CDC42BPA: variants seen among roughly 807,000 people sequenced by gnomAD.
CDC42BPA encodes serine/threonine-protein kinase MRCK alpha.
In CDC42BPA, 80 loss-of-function variants were observed where a neutral mutation model predicts 223.5. The observed-to-expected ratio is 0.36, with a 90% CI of 0.30 to 0.43. The LOEUF (loss-of-function observed/expected upper bound fraction) is 0.43, where lower values mean the gene tolerates loss of function less well. CDC42BPA is among the 20% of genes least tolerant of loss of function. The pLI, the probability that CDC42BPA is intolerant of heterozygous loss-of-function variation, is 1.00. For missense variants in CDC42BPA, 1,743 were observed against 2,099.9 expected, an observed-to-expected ratio of 0.83 and a Z score of 3.32; for synonymous variants, 694 against 718.6, an observed-to-expected ratio of 0.97 and a Z score of 0.55.
At chr1:227,099,226 A>G (rs1425920157) in intron 15 of CDC42BPA, among the ~76,000 whole-genome samples, 1 of 152,118 alleles carries the variant, frequency 6.6e-6, no homozygotes, top group Non-Finnish European at 1.5e-5. Context: ...ATCTTAGAGT[A>G]TACAGCTTCT....
chr1:227,093,840 G>T (rs1683508374), intron 15 of CDC42BPA, among the ~76,000 whole-genome samples: 1 of 152,122 alleles, frequency 6.6e-6, no homozygotes, highest in Non-Finnish European at 1.5e-5. Context: ...GAACCTTCAG[G>T]CAGCAAAAGA....
intron 35 of CDC42BPA, among the ~76,000 whole-genome samples, chr1:227,000,084 A>G (rs1050964385): frequency 2.0e-4 from 28 of 139,398 alleles, no homozygotes; most frequent in African/African-American, 6.7e-4. Context: ...TGTATCCCAG[A>G]ACTTAAAGTA....
intron 5 of CDC42BPA, among the ~76,000 whole-genome samples, chr1:227,182,421 T>G (rs1668097305): frequency 6.6e-6 from 1 of 152,136 alleles, no homozygotes; most frequent in African/African-American, 2.4e-5. Flanking sequence ...TTGGGCTTGG[T>G]TTCCAGTCTT....
intron 18 of CDC42BPA, 58 bp downstream of exon 18, chr1:227,074,201 T>A (rs937986590): frequency 3.5e-6 from 5 of 1,427,460 alleles, no homozygotes; most frequent in Admixed American, 3.8e-5. Context: ...ATTATAGTGT[T>A]TTTTAAATCT....
chr1:227,254,493 T>C (rs1330668524), intron 1 of CDC42BPA, among the ~76,000 whole-genome samples: 2 of 152,198 alleles, frequency 1.3e-5, no homozygotes, highest in Non-Finnish European at 2.9e-5. Context: ...CACAAAGATA[T>C]AAAAAATAAA....
At position 227,108,525 on chromosome 1, in the gene CDC42BPA, T is replaced by A. The variant is rs1052027267; in HGVS notation, c.2001+3787A>T. On this transcript the variant is annotated intron_variant, in intron 14 of 36. Coordinates refer to ENST00000366766, the MANE Select transcript of CDC42BPA (RefSeq NM_001394014.1). The stretch of plus-strand genomic sequence containing the variant: ...AAATGTTTTTTGGCCTAACATGTGG[T>A]CTATCCTGGAGAATCTGCCATGTGT... Among the ~76,000 whole-genome samples, 8 of 152,140 alleles carry A rather than the reference T, an allele frequency of 5.3e-5. 1 individual carries two copies. The East Asian group carries it at 9.6e-4, about 18-fold the overall frequency.
At chr1:227,180,120 C>T (rs1030182376) in intron 5 of CDC42BPA, among the ~76,000 whole-genome samples, 3 of 152,148 alleles carry the variant, frequency 2.0e-5, no homozygotes, top group African/African-American at 4.8e-5. Context: ...GCACGAGACT[C>T]GCTTGAACGC....
In CDC42BPA at chr1:226,992,013, TG is replaced by T; in HGVS notation, c.*2254del. On this transcript the variant is annotated 3_prime_UTR_variant, in exon 37 of 37. Transcript: ENST00000366766. ...GAGTGAGGAGGAGAGGAGGGGAGGG[TG>T]GGGAGAGTGAGGAGGGTGGGGAGAG... 1 of 572 alleles carries T rather than the reference TG, an allele frequency of 1.7e-3. No homozygotes were observed. The highest frequency in any genetic ancestry group is 0.038 in the South Asian group (1 of 26). The allele number at this position is 572 out of a possible 1,614,324, so 0.0% of individuals were successfully genotyped here.
intron 9 of CDC42BPA, among the ~76,000 whole-genome samples, chr1:227,141,340 T>A (rs1327684296): frequency 6.6e-6 from 1 of 152,162 alleles, no homozygotes; most frequent in East Asian, 1.9e-4. Flanking sequence ...ATATTTTGCA[T>A]TAAGATGGAG....
chr1:227,005,551 T>A (rs1663853431), intron 34 of CDC42BPA, among the ~76,000 whole-genome samples: 1 of 152,220 alleles, frequency 6.6e-6, no homozygotes, highest in African/African-American at 2.4e-5. Context: ...AAATGTTTTA[T>A]TGATGTGATA....
At chr1:227,248,507 A>G (rs1360839747) in intron 2 of CDC42BPA, among the ~76,000 whole-genome samples, 1 of 152,194 alleles carries the variant, frequency 6.6e-6, no homozygotes, top group East Asian at 1.9e-4. Flanking sequence ...AAGTAATCCC[A>G]TTTACAATAG....
At chr1:227,212,731 A>G (rs2150363081) in intron 3 of CDC42BPA, among the ~76,000 whole-genome samples, 2 of 152,372 alleles carry the variant, frequency 1.3e-5, no homozygotes, top group South Asian at 4.1e-4. Context: ...AGCATTAAAC[A>G]GAATTTCTAG....
At chr1:227,265,937 GA>G (rs1238876744) in intron 1 of CDC42BPA, among the ~76,000 whole-genome samples, 3 of 152,086 alleles carry the variant, frequency 2.0e-5, no homozygotes, top group Admixed American at 1.3e-4. Context: ...AACAGAGAAA[GA>G]AAAAAACTCA....
chr1:227,193,053 G>T (rs10916100), intron 5 of CDC42BPA, among the ~76,000 whole-genome samples: 99,129 of 145,212 alleles, frequency 0.68, 34,173 homozygotes, highest in South Asian at 0.73. Context: ...ATGCTGACTG[G>T]AAGTGAGAAC....
chr1:227,059,344 TG>T, intron 21 of CDC42BPA: 1 of 1,552,410 alleles, frequency 6.4e-7, no homozygotes, highest in South Asian at 1.2e-5. Flanking sequence ...GGCCTCAGGA[TG>T]GGTACATAAA....
At chr1:227,076,473 T>C (rs990459294) in intron 17 of CDC42BPA, among the ~76,000 whole-genome samples, 1 of 152,058 alleles carries the variant, frequency 6.6e-6, no homozygotes, top group African/African-American at 2.4e-5. Context: ...GCCAGGCTGG[T>C]CTTGAACTCC....
Position 227,317,584 on chromosome 1 carries a change from G to A in CDC42BPA, c.-402C>T. ...GCAACGTAATCCTGAAACGAATCCG[G>A]TTGCATCATTAATGAATAAAGTCCG... On this transcript the variant is annotated 5_prime_UTR_variant, in exon 1 of 37. Coordinates refer to ENST00000366766, the MANE Select transcript of CDC42BPA (RefSeq NM_001394014.1). 1 of 397,686 alleles carries A rather than the reference G, an allele frequency of 2.5e-6. No homozygotes were observed. Among genetic ancestry groups the A allele is most frequent in the East Asian group, 3.6e-5 (1 of 28,062 alleles). The allele number at this position is 397,686 out of a possible 1,614,324, so 24.6% of individuals were successfully genotyped here.
chr1:227,133,523 G>C (rs918471166), intron 10 of CDC42BPA, among the ~76,000 whole-genome samples: 3 of 152,258 alleles, frequency 2.0e-5, no homozygotes, highest in African/African-American at 4.8e-5. Context: ...GAATAGAAAG[G>C]GGGGAAGGGT....
chr1:227,185,754 G>GT (rs34717435), intron 5 of CDC42BPA, among the ~76,000 whole-genome samples: 127,855 of 150,922 alleles, frequency 0.85, 54,381 homozygotes, highest in Middle Eastern at 0.91. Context: ...TGTCCATGTC[G>GT]TTTTTTTTCT....
Sources: gnomAD v4.1 joint callset for allele counts (sites outside exome capture counted in the v4.1 genomes callset) on GRCh38, gnomAD v4.1.1 for gene constraint, MANE v1.5 for transcripts, NCBI Gene and HGNC (gene_info 2026-07-23, HGNC 2026-07-21) for gene names.